Variants in LCORL observed in about 807,000 individuals in gnomAD.
LCORL encodes the protein ligand dependent nuclear receptor corepressor like, also known as ligand-dependent nuclear receptor corepressor-like protein.
A neutral mutation model predicts 141.8 loss-of-function variants in LCORL; 41 were observed. The observed-to-expected ratio is 0.29, with a 90% CI of 0.23 to 0.38. LCORL has a LOEUF of 0.38. Among genes scored for constraint, LCORL ranks in the 10% least tolerant of loss-of-function variants. The probability of loss-of-function intolerance (pLI) is 1.00; values close to 1 mark genes in which losing one functional copy is unlikely to be tolerated. For synonymous variants in LCORL, 618 were observed against 694.1 expected, an observed-to-expected ratio of 0.89 and a Z score of 1.72; for missense variants, 1,759 against 2,035.0, an observed-to-expected ratio of 0.86 and a Z score of 2.61.
At chr4:17,913,270 G>A (rs958159603) in intron 4 of LCORL, among the ~76,000 whole-genome samples, 26 of 152,210 alleles carry the variant, frequency 1.7e-4, no homozygotes, top group African/African-American at 6.0e-4. Context: ...CTCAATGGGT[G>A]CCAAGACCAT....
chr4:17,884,146 C>T lies in LCORL; in HGVS notation c.776+1922G>A. On this transcript the variant is annotated intron_variant, in intron 6 of 7. Coordinates refer to ENST00000635767, the Ensembl canonical transcript of LCORL. The surrounding 1 kb of genome is among the most constrained non-coding windows in gnomAD (Gnocchi z 4.4). ...CAGGCCCAGAACATTCTATTTTGTT[C>T]TGTTTAGGGAGTATATTTTTCAGTT... The T allele has an allele frequency of 6.4e-7, 1 of 1,550,476 alleles. No homozygotes were observed. Among genetic ancestry groups the T allele is most frequent in the Non-Finnish European group, 8.7e-7 (1 of 1,146,270 alleles).
chr4:17,912,746 C>G (rs927324037), intron 4 of LCORL: 1 of 411,824 alleles, frequency 2.4e-6, no homozygotes, highest in African/African-American at 2.0e-5. Context: ...GGAGCTGGCA[C>G]AGACCCGGGC....
At chr4:17,951,533 T>A (rs564925002) in intron 4 of LCORL, among the ~76,000 whole-genome samples, 33 of 152,328 alleles carry the variant, frequency 2.2e-4, no homozygotes, top group African/African-American at 6.7e-4. Flanking sequence ...TTTTTACATC[T>A]CTGCTCAAAT....
intron 1 of LCORL, among the ~76,000 whole-genome samples, chr4:17,978,050 C>T (rs571982197): frequency 2.6e-5 from 4 of 152,160 alleles, no homozygotes; most frequent in Non-Finnish European, 5.9e-5. Context: ...AGTCCTTGAA[C>T]ATAACTTAGC....
intron 7 of LCORL, among the ~76,000 whole-genome samples, chr4:17,855,047 A>T (rs1035518483): frequency 3.9e-5 from 6 of 152,166 alleles, no homozygotes; most frequent in African/African-American, 1.4e-4. Flanking sequence ...TCAAGAATTC[A>T]CAAGAAAACA....
chr4:18,008,074 T>A (rs969223410), intron 1 of LCORL, among the ~76,000 whole-genome samples: 2 of 152,202 alleles, frequency 1.3e-5, no homozygotes, highest in African/African-American at 4.8e-5. Context: ...ATCCTATTAA[T>A]TCATCTGCCA....
chr4:17,979,160 CCTT>C (rs1267654852), intron 1 of LCORL, among the ~76,000 whole-genome samples: 1 of 152,004 alleles, frequency 6.6e-6, no homozygotes, highest in East Asian at 1.9e-4. Flanking sequence ...TGGTTTTTTG[CCTT>C]CTTAAGTCAG....
At chr4:17,846,734 G>C (rs950220779) in intron 7 of LCORL, among the ~76,000 whole-genome samples, 1 of 152,142 alleles carries the variant, frequency 6.6e-6, no homozygotes, top group Non-Finnish European at 1.5e-5. Context: ...GCACAGTCCT[G>C]TCTGTTCCTA....
At chr4:18,014,512 T>C (rs974388030) in intron 1 of LCORL, among the ~76,000 whole-genome samples, 1 of 151,998 alleles carries the variant, frequency 6.6e-6, no homozygotes, top group African/African-American at 2.4e-5. Context: ...CATGAGATAC[T>C]GTAAAGAAAG....
exon 8 of LCORL, chr4:17,842,266 G>GCAA (rs1560236017): frequency 6.4e-7 from 1 of 1,554,782 alleles, no homozygotes; most frequent in Non-Finnish European, 8.9e-7. Flanking sequence ...AAAACAAAAA[G>GCAA]CAACTGATAA....
chr4:17,883,312 AATATC>A lies in LCORL; in HGVS notation c.776+2751_776+2755del, dbSNP rs926782814. On this transcript the variant is annotated intron_variant, in intron 6 of 7. Coordinates refer to ENST00000635767, the Ensembl canonical transcript of LCORL. ...TTGTATAGAATGTTTATAAACTATGAATATCATATTTCCATTATAAGATGGTTCAA... is the reference window on the plus strand; with the variant it reads ...TTGTATAGAATGTTTATAAACTATGAATATTTCCATTATAAGATGGTTCAA... 3 of 994,620 alleles carry A rather than the reference AATATC, an allele frequency of 3.0e-6. No homozygotes were observed. The African/African-American group carries it at 5.2e-5, about 17-fold the overall frequency. The allele number at this position is 994,620 out of a possible 1,614,324, so 61.6% of individuals were successfully genotyped here. A position where few individuals can be genotyped will look rare whatever the true frequency, so the allele number is the denominator to read the frequency against.
At chr4:17,856,666 C>G (rs1204033910) in intron 7 of LCORL, among the ~76,000 whole-genome samples, 1 of 152,164 alleles carries the variant, frequency 6.6e-6, no homozygotes, top group African/African-American at 2.4e-5. Flanking sequence ...TCCTACTTTA[C>G]TTGGATAATA....
intron 1 of LCORL, among the ~76,000 whole-genome samples, chr4:17,990,095 C>T (rs999261855): frequency 1.5e-4 from 21 of 142,584 alleles, no homozygotes; most frequent in African/African-American, 3.9e-4. Context: ...AAACTCTCTG[C>T]GTTTTTTTTT....
intron 1 of LCORL, among the ~76,000 whole-genome samples, chr4:18,013,336 C>T (rs908402355): frequency 1.1e-4 from 16 of 152,180 alleles, no homozygotes; most frequent in African/African-American, 3.9e-4. Flanking sequence ...TCAAGTTATA[C>T]TCTAGATATA....
intron 4 of LCORL, among the ~76,000 whole-genome samples, chr4:17,938,531 G>A (rs955904977): frequency 7.5e-5 from 11 of 147,338 alleles, no homozygotes; most frequent in East Asian, 4.1e-4. Flanking sequence ...ATTGTCCTGC[G>A]TCAGCCTCCC....
intron 1 of LCORL, among the ~76,000 whole-genome samples, chr4:17,974,121 C>T (rs922425182): frequency 1.1e-4 from 17 of 152,010 alleles, no homozygotes; most frequent in Non-Finnish European, 2.2e-4. Flanking sequence ...AAGGGTTATT[C>T]TATTTTAGAG....
At chr4:17,977,756 C>G (rs1378891134) in intron 1 of LCORL, among the ~76,000 whole-genome samples, 1 of 152,160 alleles carries the variant, frequency 6.6e-6, no homozygotes, top group Non-Finnish European at 1.5e-5. Flanking sequence ...CAAAGAACAA[C>G]AGTTGTTAAT....
chr4:17,970,055 T>C (rs1715637689), intron 2 of LCORL, among the ~76,000 whole-genome samples: 1 of 152,138 alleles, frequency 6.6e-6, no homozygotes. Context: ...AGAAAACTTC[T>C]ATCACCACTA....
intron 4 of LCORL, among the ~76,000 whole-genome samples, chr4:17,932,977 T>C (rs1736287676): frequency 6.6e-6 from 1 of 152,236 alleles, no homozygotes. Flanking sequence ...GTTTCACTTA[T>C]TCTTTAACTT....
Sources: allele counts gnomAD v4.1 joint callset (sites outside exome capture counted in the v4.1 genomes callset), GRCh38; gene constraint gnomAD v4.1.1; non-coding constraint Gnocchi (gnomAD v3.1); transcripts MANE v1.5; gene names NCBI Gene and HGNC (gene_info 2026-07-23, HGNC 2026-07-21).